The following KLHL40 variants were observed in gnomAD, a reference collection of about 807,000 sequenced individuals.
KLHL40 encodes the protein kelch-like protein 40.
Under a neutral mutation model 49.7 loss-of-function variants are expected in KLHL40, and 44 were observed. That is an observed-to-expected ratio of 0.89 (90% CI 0.70 to 1.14). The LOEUF (loss-of-function observed/expected upper bound fraction) is 1.14. KLHL40 is among the 50% of genes most tolerant of loss of function. The pLI is 0.00. For missense variants in KLHL40, 892 were observed against 850.3 expected, an observed-to-expected ratio of 1.05 and a Z score of -0.61; for synonymous variants, 409 against 365.2, an observed-to-expected ratio of 1.12 and a Z score of -1.37.
In KLHL40 at chr3:42,688,074, G is replaced by A; in HGVS notation, c.1153-68G>A. The A allele has an allele frequency of 6.3e-7, 1 of 1,599,580 alleles. No homozygotes were observed. The highest frequency in any genetic ancestry group is 8.5e-7 in the Non-Finnish European group (1 of 1,169,884). ...CCTCCTCCGTGATCTGGGGCAGTGG[G>A]ACTGAGTGGGGCTGGGCTGAGGCTG... On this transcript the variant is annotated intron_variant, in intron 1 of 5. Transcript: ENST00000287777. The surrounding 1 kb of genome is among the most constrained non-coding windows in gnomAD (Gnocchi z 4.2).
Position 42,686,633 on chromosome 3 carries a change from T to C in KLHL40, c.1015T>C (p.Tyr339His). The C allele has an allele frequency of 6.2e-7, 1 of 1,614,114 alleles. No individual in the cohort carries two copies. The highest frequency in any genetic ancestry group is 8.5e-7 in the Non-Finnish European group (1 of 1,180,044). ...CTACGATCCAGCAGCCAACGAGTGC[T>C]ACTGTGCTTCCCTCTCCAACCAGGT... ...VAYDPAANEC[Y>H]CASLSNQVPK... Residue 339 changes from tyrosine (Y) to histidine (H), a missense_variant, in exon 1 of 6, where the codon TAC becomes CAC. By Grantham distance (83) the Tyr-to-His change is moderately conservative (BLOSUM62 2). Coordinates refer to ENST00000287777, the MANE Select transcript of KLHL40 (RefSeq NM_152393.4).
rs767981776 is a variant in KLHL40 at position 42,686,570 on chromosome 3, G to A, written c.952G>A (p.Asp318Asn). ...CCTGCGCTTCGGCATGTTCCTGCAG[G>A]ATCTCATCTTCATGATCAGTGAGGA... is the stretch of plus-strand genomic sequence containing the variant. Reference protein sequence around the residue: ...DTLRFGMFLQDLIFMISEEGA... With the variant: ...DTLRFGMFLQNLIFMISEEGA... The change falls in exon 1 of 6, where the codon GAT becomes AAT. Residue 318 changes from aspartate to asparagine, a missense_variant. Asp to Asn is a conservative substitution (Grantham distance 23). Transcript: ENST00000287777. 4.3e-6 allele frequency: 7 copies of A among 1,614,074 alleles called. No individual in the cohort carries two copies. In the Admixed American group the frequency reaches 1.2e-4, roughly 27 times the overall value.
In KLHL40 at chr3:42,690,924, C is replaced by A. The variant is rs775375049; in HGVS notation, c.1673C>A (p.Thr558Asn). The change falls in exon 5 of 6, where the codon ACC (threonine) becomes AAC (asparagine). Residue 558 changes from threonine to asparagine, a missense_variant. Transcript: ENST00000287777. ...CTCAGCCTGGTCAGCCTGGTGGGTA[C>A]CCTCTATGCCATTGGTGGCTTTGCC... ...SSLSLVSLVGTLYAIGGFATL... is the reference protein window; with the variant it reads ...SSLSLVSLVGNLYAIGGFATL... The A allele has an allele frequency of 5.6e-6, 9 of 1,613,650 alleles. No homozygotes were observed. The highest frequency in any genetic ancestry group is 7.6e-6 in the Non-Finnish European group (9 of 1,179,774).
rs915854245 is a variant in KLHL40 at position 42,686,080 on chromosome 3, C to G, written c.462C>G (p.Asp154Glu). The G allele has an allele frequency of 6.2e-7, 1 of 1,603,188 alleles. No individual in the cohort carries two copies. The highest frequency in any genetic ancestry group is 1.3e-5 in the African/African-American group (1 of 74,944). ...DCARLAVAAR[D>E]FICAHFTLVA... ...CGCGTCTCGCCGTGGCTGCCCGCGACTTCATCTGCGCTCACTTCACGCTGG... is the reference window on the plus strand; with the variant it reads ...CGCGTCTCGCCGTGGCTGCCCGCGAGTTCATCTGCGCTCACTTCACGCTGG... The change falls in exon 1 of 6, where the codon GAC becomes GAG. Residue 154 changes from aspartate to glutamate, a missense_variant. Coordinates refer to ENST00000287777, the MANE Select transcript of KLHL40 (RefSeq NM_152393.4).
Position 42,690,969 on chromosome 3 carries a change from G to C in KLHL40, c.1718G>C (p.Gly573Ala). Residue 573 changes from glycine to alanine, a missense_variant, in exon 5 of 6, where the codon GGA becomes GCA. Physicochemically the swap from Gly to Ala is moderately conservative, Grantham distance 60. Coordinates refer to ENST00000287777, the MANE Select transcript of KLHL40 (RefSeq NM_152393.4). ...TTTGCCACACTGGAGACGGAGTCTG[G>C]AGAGCTGGTTCCCACAGAGCTCAAT... Reference protein sequence around the residue: ...GGFATLETESGELVPTELNDI... With the variant: ...GGFATLETESAELVPTELNDI... 1.2e-6 allele frequency: 2 copies of C among 1,613,442 alleles called. No homozygotes were observed. The highest frequency in any genetic ancestry group is 1.7e-6 in the Non-Finnish European group (2 of 1,179,604).
At chr3:42,687,216 G>T (rs779013430) in intron 1 of KLHL40, among the ~76,000 whole-genome samples, 1 of 152,246 alleles carries the variant, frequency 6.6e-6, no homozygotes, top group Non-Finnish European at 1.5e-5. Flanking sequence ...TATCAGCAGA[G>T]TGGAGTGCCA....
In KLHL40 at chr3:42,690,582, C is replaced by A. The variant is rs116766161; in HGVS notation, c.1608-277C>A. On this transcript the variant is annotated intron_variant, in intron 4 of 5. Coordinates refer to ENST00000287777, the MANE Select transcript of KLHL40 (RefSeq NM_152393.4). Reference sequence around the variant, plus strand: ...TGTGAGTTGGAGGGTGGAGTTAGTTCAGGAGAGGAGTAGGGGCAGTGGGGA... The same window carrying A: ...TGTGAGTTGGAGGGTGGAGTTAGTTAAGGAGAGGAGTAGGGGCAGTGGGGA... Among the ~76,000 whole-genome samples the A allele has an allele frequency of 4.5e-3, 682 of 152,012 alleles. 1 individual carries two copies. Among genetic ancestry groups the A allele is most frequent in the Non-Finnish European group, 7.5e-3 (507 of 67,948 alleles).
Position 42,685,814 on chromosome 3 carries a change from C to T in KLHL40, c.196C>T (p.Pro66Ser), listed in dbSNP as rs200216330. 20 of 1,612,566 alleles carry T rather than the reference C, an allele frequency of 1.2e-5. No homozygotes were observed. In the South Asian group the frequency reaches 2.0e-4, roughly 16 times the overall value. The change falls in exon 1 of 6, where the codon CCG becomes TCG. Residue 66 changes from proline (P) to serine (S), a missense_variant. By Grantham distance (74) the Pro-to-Ser change is moderately conservative. Coordinates refer to ENST00000287777, the MANE Select transcript of KLHL40 (RefSeq NM_152393.4). ...PYFRARFLAEPERAGELHLEE... is the reference protein window; with the variant it reads ...PYFRARFLAESERAGELHLEE... The stretch of plus-strand genomic sequence containing the variant: ...CTTCCGGGCGCGCTTTCTAGCCGAG[C>T]CGGAGCGCGCGGGCGAGCTGCACCT...
Position 42,686,271 on chromosome 3 carries a change from C to G in KLHL40, c.653C>G (p.Pro218Arg). Reference sequence around the variant, plus strand: ...CAGGCTGAGCGCCAGCGCGCGCTGCCCACCGTCTTCGAGAGCGTGCGCTGC... The same window carrying G: ...CAGGCTGAGCGCCAGCGCGCGCTGCGCACCGTCTTCGAGAGCGTGCGCTGC... The part of the protein sequence containing the change: ...EAQAERQRAL[P>R]TVFESVRCRL... The change falls in exon 1 of 6, where the codon CCC becomes CGC. Residue 218 changes from proline to arginine, a missense_variant. Pro to Arg is a moderately radical substitution (Grantham distance 103, BLOSUM62 -2). Coordinates refer to ENST00000287777, the MANE Select transcript of KLHL40 (RefSeq NM_152393.4). The G allele has an allele frequency of 5.8e-6, 9 of 1,562,256 alleles. No individual in the cohort carries two copies. Among genetic ancestry groups the G allele is most frequent in the Non-Finnish European group, 7.8e-6 (9 of 1,153,920 alleles).
At position 42,692,128 on chromosome 3, in the gene KLHL40, C is replaced by A. The variant is rs947119685; in HGVS notation, c.*135C>A. 1 of 639,040 alleles carries A rather than the reference C, an allele frequency of 1.6e-6. No individual in the cohort carries two copies. The allele number at this position is 639,040 out of a possible 1,614,324, so 39.6% of individuals were successfully genotyped here. A position where few individuals can be genotyped will look rare whatever the true frequency, so the allele number is the denominator to read the frequency against. On this transcript the variant is annotated 3_prime_UTR_variant, in exon 6 of 6. Coordinates refer to ENST00000287777, the MANE Select transcript of KLHL40 (RefSeq NM_152393.4). ...TCCAGTTATGGTGCCTCAGGGGCTG[C>A]GTCAGCCAAGGAAAGGGAAGTGCTG...
intron 5 of KLHL40, 69 bp downstream of exon 5, chr3:42,691,074 G>T (rs1315479443): frequency 1.3e-5 from 20 of 1,493,536 alleles, no homozygotes; most frequent in African/African-American, 2.8e-5. Context: ...ACCATGGTGG[G>T]GTACCAAGGC....
In KLHL40 at chr3:42,689,186, T is replaced by C. The variant is rs529367445; in HGVS notation, c.1607+132T>C. On this transcript the variant is annotated intron_variant, in intron 4 of 5. Transcript: ENST00000287777. ...GACATCAGTATAGAAATAGGCTTTC[T>C]CTCCTGATCAGCAGTGAGGTGGGGA... The C allele has an allele frequency of 5.2e-5, 41 of 791,152 alleles. No individual in the cohort carries two copies. In the South Asian group the frequency reaches 7.6e-4, roughly 15 times the overall value. The allele number at this position is 791,152 out of a possible 1,614,324, so 49.0% of individuals were successfully genotyped here. A position where few individuals can be genotyped will look rare whatever the true frequency, so the allele number is the denominator to read the frequency against.
At chr3:42,687,628 A>C (rs896643822) in intron 1 of KLHL40, among the ~76,000 whole-genome samples, 2 of 152,180 alleles carry the variant, frequency 1.3e-5, no homozygotes, top group African/African-American at 4.8e-5. Context: ...TGATGCTTAT[A>C]AAGTGCTCAT....
rs1478393051 is a variant in KLHL40 at position 42,685,761 on chromosome 3, G to A, written c.143G>A (p.Arg48His). 5 of 1,612,410 alleles carry A rather than the reference G, an allele frequency of 3.1e-6. No individual in the cohort carries two copies. The highest frequency in any genetic ancestry group is 4.2e-6 in the Non-Finnish European group (5 of 1,179,676). Reference sequence around the variant, plus strand: ...GGCGAGCGCGAGTTCCCGTGCCATCGCCTGGTGCTGGCCGCCTGCAGCCCC... The same window carrying A: ...GGCGAGCGCGAGTTCCCGTGCCATCACCTGGTGCTGGCCGCCTGCAGCCCC... ...RAGEREFPCH[R>H]LVLAACSPYF... Residue 48 changes from arginine to histidine, a missense_variant, in exon 1 of 6, where the codon CGC becomes CAC. Coordinates refer to ENST00000287777, the MANE Select transcript of KLHL40 (RefSeq NM_152393.4).
chr3:42,691,225 A>G (rs1395043173), intron 5 of KLHL40, among the ~76,000 whole-genome samples: 6 of 152,266 alleles, frequency 3.9e-5, no homozygotes, highest in African/African-American at 1.2e-4. Flanking sequence ...ACCATGCCCC[A>G]CTGTGGAGCA....
rs747377320 is a variant in KLHL40, at chr3:42,685,618, C to A, written c.-1C>A. The A allele has an allele frequency of 6.3e-7, 1 of 1,586,952 alleles. No individual in the cohort carries two copies. The highest frequency in any genetic ancestry group is 1.1e-5 in the South Asian group (1 of 87,606). On this transcript the variant is annotated 5_prime_UTR_variant, in exon 1 of 6. Coordinates refer to ENST00000287777, the MANE Select transcript of KLHL40 (RefSeq NM_152393.4). ...CGCCACCGCACCCTAGGCCACCCAC[C>A]ATGGCGCTGGGCTTGGAGCAGGCGG... is the stretch of plus-strand genomic sequence containing the variant.
At chr3:42,691,532 G>C (rs1486065079) in intron 5 of KLHL40, among the ~76,000 whole-genome samples, 1 of 152,146 alleles carries the variant, frequency 6.6e-6, no homozygotes, top group African/African-American at 2.4e-5. Flanking sequence ...GCTGCCGGAG[G>C]CTGAGACGTG....
At chr3:42,691,452 A>G (rs1697366131) in intron 5 of KLHL40, among the ~76,000 whole-genome samples, 1 of 151,998 alleles carries the variant, frequency 6.6e-6, no homozygotes, top group Non-Finnish European at 1.5e-5. Context: ...AGGAAACTTT[A>G]GCCTCTGGGG....
rs764717209 is a variant in KLHL40 at position 42,689,020 on chromosome 3, A to T, written c.1573A>T (p.Ser525Cys). The change falls in exon 4 of 6, where the codon AGT becomes TGT. Residue 525 changes from serine to cysteine, a missense_variant. Physicochemically the swap from Ser to Cys is moderately radical, Grantham distance 112. Transcript: ENST00000287777. ...TGGGGTCACCGACACAGGGCTGACC[A>T]GTTCTGCCGAAGTGTACAGCATCAC... is the stretch of plus-strand genomic sequence containing the variant. Reference protein sequence around the residue: ...AAGVTDTGLTSSAEVYSITDN... With the variant: ...AAGVTDTGLTCSAEVYSITDN... 1 of 1,614,070 alleles carries T rather than the reference A, an allele frequency of 6.2e-7. No individual in the cohort carries two copies. Among genetic ancestry groups the T allele is most frequent in the Non-Finnish European group, 8.5e-7 (1 of 1,179,942 alleles).
Sources: gnomAD v4.1 joint callset for allele counts (sites outside exome capture counted in the v4.1 genomes callset) on GRCh38, gnomAD v4.1.1 for gene constraint, Gnocchi (gnomAD v3.1) non-coding constraint, MANE v1.5 for transcripts, NCBI Gene and HGNC (gene_info 2026-07-23, HGNC 2026-07-21) for gene names.